Variants in PIK3C2G observed in about 807,000 individuals in gnomAD.
PIK3C2G encodes the protein phosphatidylinositol-4-phosphate 3-kinase catalytic subunit type 2 gamma.
PIK3C2G carries 168 observed loss-of-function variants against 181.1 expected under a neutral mutation model. That is an observed-to-expected ratio of 0.93 (90% CI 0.82 to 1.05). The LOEUF (loss-of-function observed/expected upper bound fraction) is 1.05, where lower values mean the gene tolerates loss of function less well. PIK3C2G is among the 50% of genes least tolerant of loss of function. The pLI is 0.00. For missense variants in PIK3C2G, 1,869 were observed against 1,732.8 expected (o/e 1.08, Z -1.40); for synonymous variants, 573 against 592.2 (o/e 0.97, Z 0.47).
chr12:18,458,097 T>C (rs1423803357), intron 18 of PIK3C2G, among the ~76,000 whole-genome samples: 1 of 152,232 alleles, frequency 6.6e-6, no homozygotes, highest in African/African-American at 2.4e-5. Context: ...TTCCTGTTCT[T>C]ATTTACTACC....
rs529236095 is a variant in PIK3C2G, at chr12:18,648,100, T to C, written c.*72T>C. ...TTCACTTCTGGGCCTCTGAATCACA[T>C]AAGTAAGGCATCTTTGTTGTCAAAG... On this transcript the variant is annotated 3_prime_UTR_variant, in exon 33 of 33. Transcript: ENST00000538779. The C allele has an allele frequency of 5.5e-6, 5 of 902,756 alleles. No homozygotes were observed. Among genetic ancestry groups the C allele is most frequent in the Admixed American group, 2.9e-5 (1 of 33,938 alleles). The allele number at this position is 902,756 out of a possible 1,614,324, so 55.9% of individuals were successfully genotyped here.
the PIK3C2G span, among the ~76,000 whole-genome samples, chr12:18,657,410 T>C: frequency 6.6e-6 from 1 of 152,272 alleles, no homozygotes; most frequent in African/African-American, 2.4e-5. Context: ...CCTCAGGCTC[T>C]ATGAAAGCAC....
chr12:18,633,498 A>G (rs477949), intron 31 of PIK3C2G, among the ~76,000 whole-genome samples: 148,374 of 152,294 alleles, frequency 0.97, 72,414 homozygotes, highest in East Asian at 1. Context: ...TTTACCTGGT[A>G]GGGTAACCCA....
chr12:18,371,404 C>A, intron 13 of PIK3C2G, 93 bp downstream of exon 13: 2 of 1,031,672 alleles, frequency 1.9e-6, no homozygotes, highest in South Asian at 2.1e-5. Flanking sequence ...ATGAGGAAAT[C>A]AAGACATTTT....
At chr12:18,306,216 A>G (rs1950415273) in intron 5 of PIK3C2G, among the ~76,000 whole-genome samples, 2 of 152,040 alleles carry the variant, frequency 1.3e-5, no homozygotes, top group African/African-American at 4.8e-5. Flanking sequence ...TAAGAAAAAT[A>G]GGGCATTTGA....
chr12:18,284,635 G>T (rs1306069440), intron 2 of PIK3C2G, among the ~76,000 whole-genome samples: 1 of 152,076 alleles, frequency 6.6e-6, no homozygotes, highest in African/African-American at 2.4e-5. Context: ...AGTTCATAAT[G>T]GCTAGCCTAG....
chr12:18,287,972 G>A (rs1949525865), intron 3 of PIK3C2G, among the ~76,000 whole-genome samples: 1 of 152,112 alleles, frequency 6.6e-6, no homozygotes, highest in Non-Finnish European at 1.5e-5. Flanking sequence ...GACCAGCCTG[G>A]CCAACGTGGT....
At chr12:18,383,563 A>G (rs1217204590) in intron 14 of PIK3C2G, among the ~76,000 whole-genome samples, 2 of 152,222 alleles carry the variant, frequency 1.3e-5, no homozygotes, top group East Asian at 3.8e-4. Context: ...GCACAATGCA[A>G]ACACACAGAT....
At chr12:18,546,142 A>G (rs1026895093) in intron 25 of PIK3C2G, among the ~76,000 whole-genome samples, 181 bp from the exon 26 acceptor site, 2 of 151,966 alleles carry the variant, frequency 1.3e-5, no homozygotes, top group African/African-American at 4.8e-5. Context: ...TGTTGTCTCT[A>G]CTACTTAATA....
chr12:18,477,163 C>T (rs1405588351), intron 18 of PIK3C2G, among the ~76,000 whole-genome samples: 5 of 152,216 alleles, frequency 3.3e-5, no homozygotes, highest in African/African-American at 9.6e-5. Flanking sequence ...AGTCCCCAGT[C>T]TTATGACCTC....
intron 26 of PIK3C2G, among the ~76,000 whole-genome samples, chr12:18,548,831 A>G (rs1160185185): frequency 1.3e-5 from 2 of 152,024 alleles, no homozygotes; most frequent in Admixed American, 6.6e-5. Flanking sequence ...TTGGTGTGCC[A>G]TCTCCTGTCT....
intron 18 of PIK3C2G, among the ~76,000 whole-genome samples, chr12:18,455,881 T>C (rs1372343898): frequency 6.6e-6 from 1 of 152,172 alleles, no homozygotes; most frequent in Non-Finnish European, 1.5e-5. Flanking sequence ...GTTGATAGCA[T>C]TCACGCATTC....
intron 1 of PIK3C2G, among the ~76,000 whole-genome samples, chr12:18,261,843 T>C (rs1948249671): frequency 6.6e-6 from 1 of 152,114 alleles, no homozygotes; most frequent in African/African-American, 2.4e-5. Flanking sequence ...TGCCTCTTTC[T>C]TTCTCTCTCT....
At chr12:18,585,211 A>T (rs185920376) in intron 29 of PIK3C2G, among the ~76,000 whole-genome samples, 43 of 152,292 alleles carry the variant, frequency 2.8e-4, no homozygotes, top group Admixed American at 1.0e-3. Flanking sequence ...CTTGAATGTA[A>T]ATGGGCTAAA....
intron 24 of PIK3C2G, among the ~76,000 whole-genome samples, chr12:18,528,569 G>C (rs1349785932): frequency 1.3e-5 from 2 of 152,138 alleles, no homozygotes; most frequent in East Asian, 3.8e-4. Context: ...TTTATTTACT[G>C]ACTTTATCAG....
intron 6 of PIK3C2G, among the ~76,000 whole-genome samples, chr12:18,315,951 G>T (rs1950842827): frequency 6.6e-6 from 1 of 151,110 alleles, no homozygotes; most frequent in Non-Finnish European, 1.5e-5. Context: ...TATCCATGTA[G>T]CTCAAAGTCT....
At chr12:18,658,650 G>C in the PIK3C2G span, among the ~76,000 whole-genome samples, 1 of 152,108 alleles carries the variant, frequency 6.6e-6, no homozygotes, top group African/African-American at 2.4e-5. Flanking sequence ...TAGCATTAAA[G>C]TACCAGTTTT....
At chr12:18,709,066 G>A in the PIK3C2G span, among the ~76,000 whole-genome samples, 1 of 152,030 alleles carries the variant, frequency 6.6e-6, no homozygotes, top group African/African-American at 2.4e-5. Context: ...AGCTTTTGAT[G>A]TAATATCAAA....
chr12:18,330,539 C>T (rs1937826144), intron 8 of PIK3C2G, among the ~76,000 whole-genome samples: 1 of 152,150 alleles, frequency 6.6e-6, no homozygotes, highest in Non-Finnish European at 1.5e-5. Context: ...TCCTCAATGG[C>T]TGATGATGCC....
Sources: gnomAD v4.1 joint callset for allele counts (sites outside exome capture counted in the v4.1 genomes callset) on GRCh38, gnomAD v4.1.1 for gene constraint, MANE v1.5 for transcripts, NCBI Gene and HGNC (gene_info 2026-07-23, HGNC 2026-07-21) for gene names.